The following FGD4 variants were observed in gnomAD, a reference collection of about 807,000 sequenced individuals.
FGD4 encodes FYVE, RhoGEF and PH domain containing 4, also known as FYVE, RhoGEF and PH domain-containing protein 4.
A neutral mutation model predicts 102.0 loss-of-function variants in FGD4; 42 were observed. That is an observed-to-expected ratio of 0.41 (90% confidence interval 0.32 to 0.53). The LOEUF (loss-of-function observed/expected upper bound fraction) is 0.53. Ranked by LOEUF, FGD4 falls within the 20% of genes least tolerant of loss-of-function variation. FGD4 has a pLI of 0.21. For missense variants in FGD4, 902 were observed against 1,078.2 expected (o/e 0.84, Z 2.29); for synonymous variants, 380 against 375.7 (o/e 1.01, Z -0.13).
At chr12:32,584,912 G>A (rs930290072) in intron 4 of FGD4, among the ~76,000 whole-genome samples, 1 of 152,034 alleles carries the variant, frequency 6.6e-6, no homozygotes, top group Non-Finnish European at 1.5e-5. Flanking sequence ...AAAATGAAGG[G>A]ATAGGGAATG....
intron 1 of FGD4, among the ~76,000 whole-genome samples, chr12:32,479,786 CTTTTTTTT>C (rs559968024): frequency 9.4e-6 from 1 of 106,598 alleles, no homozygotes. Flanking sequence ...AAGCATTATT[CTTTTTTTT>C]TTTTTTTTTT....
intron 1 of FGD4, among the ~76,000 whole-genome samples, chr12:32,513,528 A>G (rs1939597550): frequency 6.6e-6 from 1 of 152,190 alleles, no homozygotes; most frequent in South Asian, 2.1e-4. Flanking sequence ...AGGAGGGGCT[A>G]AGGTTGCAAG....
intron 1 of FGD4, among the ~76,000 whole-genome samples, chr12:32,483,032 A>T (rs774259799): frequency 2.0e-5 from 3 of 152,248 alleles, no homozygotes; most frequent in Non-Finnish European, 4.4e-5. Flanking sequence ...TTTTATCAAG[A>T]TACGGAATAT....
chr12:32,557,696 A>C (rs925984448), intron 1 of FGD4, among the ~76,000 whole-genome samples: 9 of 152,096 alleles, frequency 5.9e-5, no homozygotes, highest in Admixed American at 5.9e-4. Context: ...AAGTTTGGGG[A>C]GCTGTTTGAA....
intron 1 of FGD4, among the ~76,000 whole-genome samples, chr12:32,473,767 C>T (rs1279382554): frequency 6.6e-6 from 1 of 152,130 alleles, no homozygotes. Context: ...AGGAAAATTA[C>T]ATCAGATATT....
intron 1 of FGD4, among the ~76,000 whole-genome samples, chr12:32,475,600 C>G (rs1943564416): frequency 1.3e-5 from 2 of 152,130 alleles, no homozygotes; most frequent in Admixed American, 6.5e-5. Context: ...AGTCTCCATC[C>G]CAGACTTTCT....
chr12:32,453,050 C>T (rs1942825181), intron 1 of FGD4, among the ~76,000 whole-genome samples: 1 of 151,132 alleles, frequency 6.6e-6, no homozygotes, highest in African/African-American at 2.4e-5. Flanking sequence ...AAATTTCAAA[C>T]TTATGCAAAG....
At chr12:32,586,320 A>C (rs1299019337) in intron 4 of FGD4, among the ~76,000 whole-genome samples, 1 of 152,240 alleles carries the variant, frequency 6.6e-6, no homozygotes, top group Non-Finnish European at 1.5e-5. Flanking sequence ...TTGGCAAAGC[A>C]CAGAAAATAC....
At chr12:32,570,880 C>T (rs1163927864) in intron 2 of FGD4, among the ~76,000 whole-genome samples, 3 of 152,036 alleles carry the variant, frequency 2.0e-5, no homozygotes, top group African/African-American at 4.8e-5. Flanking sequence ...GATGGCAGAA[C>T]AAAGAAGGGG....
At chr12:32,603,575 T>C (rs910027396) in intron 7 of FGD4, among the ~76,000 whole-genome samples, 3 of 151,572 alleles carry the variant, frequency 2.0e-5, no homozygotes, top group African/African-American at 7.3e-5. Context: ...TTAGTAGAGA[T>C]GGGGTTTCAC....
chr12:32,414,880 T>C (rs1006480085), intron 1 of FGD4, among the ~76,000 whole-genome samples: 2 of 152,214 alleles, frequency 1.3e-5, no homozygotes, highest in South Asian at 4.1e-4. Context: ...TGTTAGGTTA[T>C]TTATTTGAAG....
At chr12:32,516,910 T>C (rs1247166882) in intron 1 of FGD4, among the ~76,000 whole-genome samples, 1 of 152,210 alleles carries the variant, frequency 6.6e-6, no homozygotes, top group Admixed American at 6.5e-5. Context: ...TGAATACATA[T>C]CTAAGACATA....
At chr12:32,460,300 C>T (rs1228983875) in intron 1 of FGD4, among the ~76,000 whole-genome samples, 1 of 151,906 alleles carries the variant, frequency 6.6e-6, no homozygotes, top group East Asian at 1.9e-4. Context: ...TTGCTTGAGC[C>T]CAGGAGTTCG....
intron 1 of FGD4, among the ~76,000 whole-genome samples, chr12:32,537,757 C>G (rs1942423184): frequency 6.6e-6 from 1 of 152,178 alleles, no homozygotes; most frequent in Non-Finnish European, 1.5e-5. Flanking sequence ...GCCTTATTCC[C>G]TTCATGTCTA....
At chr12:32,426,298 C>A (rs1351684533) in intron 1 of FGD4, among the ~76,000 whole-genome samples, 1 of 152,048 alleles carries the variant, frequency 6.6e-6, no homozygotes, top group Non-Finnish European at 1.5e-5. Flanking sequence ...TATCGAAGGC[C>A]TTTTCTGCAT....
At chr12:32,429,600 T>C (rs1054669903) in intron 1 of FGD4, among the ~76,000 whole-genome samples, 7 of 152,186 alleles carry the variant, frequency 4.6e-5, no homozygotes, top group African/African-American at 1.7e-4. Context: ...AGGCAGGAAC[T>C]TTTAAGTTTG....
chr12:32,604,638 C>G (rs935009781), intron 7 of FGD4, among the ~76,000 whole-genome samples: 10 of 152,190 alleles, frequency 6.6e-5, no homozygotes, highest in Admixed American at 5.2e-4. Flanking sequence ...ATCTTCACTT[C>G]TACTGATGTT....
chr12:32,541,687 G>A (rs1565820836), intron 1 of FGD4, among the ~76,000 whole-genome samples: 1 of 152,140 alleles, frequency 6.6e-6, no homozygotes, highest in Non-Finnish European at 1.5e-5. Flanking sequence ...CTTAAAAAGA[G>A]AATATCAAAA....
chr12:32,518,038 A>G (rs2136712099), intron 1 of FGD4, among the ~76,000 whole-genome samples: 1 of 147,352 alleles, frequency 6.8e-6, no homozygotes, highest in Non-Finnish European at 1.5e-5. Context: ...CATTGGTGCT[A>G]TAGCATATTT....
Sources: gnomAD v4.1 joint callset for allele counts (sites outside exome capture counted in the v4.1 genomes callset) on GRCh38, gnomAD v4.1.1 for gene constraint, MANE v1.5 for transcripts, NCBI Gene and HGNC (gene_info 2026-07-23, HGNC 2026-07-21) for gene names.